GRIK3: variants seen among roughly 807,000 people sequenced by gnomAD.
The protein encoded by GRIK3 is glutamate receptor ionotropic, kainate 3.
In GRIK3, 29 loss-of-function variants were observed where a neutral mutation model predicts 102.5. The observed-to-expected ratio is 0.28, with a 90% confidence interval of 0.21 to 0.39. The LOEUF (loss-of-function observed/expected upper bound fraction) is 0.39, where lower values mean the gene tolerates loss of function less well. GRIK3 is among the 10% of genes least tolerant of loss of function. The pLI, the probability that GRIK3 is intolerant of heterozygous loss-of-function variation, is 1.00. For synonymous variants in GRIK3, 511 were observed against 504.9 expected, an observed-to-expected ratio of 1.01 and a Z score of -0.16; for missense variants, 908 against 1,252.4, an observed-to-expected ratio of 0.73 and a Z score of 4.15.
chr1:37,019,075 A>G (rs144513529), intron 1 of GRIK3, among the ~76,000 whole-genome samples: 543 of 152,354 alleles, frequency 3.6e-3, no homozygotes, highest in African/African-American at 0.011. Context: ...TGGGTTAGTC[A>G]GAAAGAAGAA....
intron 10 of GRIK3, among the ~76,000 whole-genome samples, chr1:36,834,296 G>A (rs1208207694): frequency 6.6e-6 from 1 of 152,134 alleles, no homozygotes; most frequent in Admixed American, 6.5e-5. Context: ...GCTGTCTCAG[G>A]AGTGCCATCC....
At chr1:36,868,798 T>A (rs1454906007) in intron 5 of GRIK3, among the ~76,000 whole-genome samples, 1 of 152,238 alleles carries the variant, frequency 6.6e-6, no homozygotes, top group East Asian at 1.9e-4. Context: ...TATCTGGTTT[T>A]CTGTAAGACT....
At chr1:36,875,375 C>T (rs998976395) in intron 3 of GRIK3, among the ~76,000 whole-genome samples, 1 of 152,236 alleles carries the variant, frequency 6.6e-6, no homozygotes, top group Non-Finnish European at 1.5e-5. Flanking sequence ...AATAGCCATT[C>T]TCCTTGGGGG....
rs115974958 is a variant in GRIK3, at chr1:36,856,603, C to T, written c.1104+2505G>A. ...GCATCTGAGGTTCGGTTGTGGCCAG[C>T]TGTGGGACCACAGGTACCACGGGGC... On this transcript the variant is annotated intron_variant, in intron 7 of 15. Transcript: ENST00000373091. Among the ~76,000 whole-genome samples, 1,161 of 152,358 alleles carry T rather than the reference C, an allele frequency of 7.6e-3. 17 individuals are homozygous for T. The highest frequency in any genetic ancestry group is 0.026 in the African/African-American group (1,073 of 41,582).
intron 5 of GRIK3, among the ~76,000 whole-genome samples, chr1:36,861,840 G>T (rs1570766492): frequency 2.0e-5 from 3 of 152,098 alleles, no homozygotes; most frequent in Non-Finnish European, 4.4e-5. Context: ...TCTGGGATGG[G>T]GAAGGGGCTG....
chr1:36,900,589 A>G (rs1397341129), intron 1 of GRIK3, among the ~76,000 whole-genome samples: 1 of 152,246 alleles, frequency 6.6e-6, no homozygotes, highest in Admixed American at 6.5e-5. Flanking sequence ...GAATGCATAA[A>G]ATAGAAAAGA....
intron 13 of GRIK3, among the ~76,000 whole-genome samples, chr1:36,814,677 TA>T (rs1227649276): frequency 6.6e-6 from 1 of 151,740 alleles, no homozygotes. Flanking sequence ...CATAGGCCAT[TA>T]CACAGGCATA....
chr1:36,818,536 G>T (rs1642655881), intron 12 of GRIK3, among the ~76,000 whole-genome samples: 1 of 152,216 alleles, frequency 6.6e-6, no homozygotes, highest in Non-Finnish European at 1.5e-5. Flanking sequence ...CTTGATTGCT[G>T]AGTTCTGCCA....
intron 1 of GRIK3, among the ~76,000 whole-genome samples, chr1:36,974,076 T>A (rs188342066): frequency 6.6e-6 from 1 of 152,318 alleles, no homozygotes; most frequent in Admixed American, 6.5e-5. Flanking sequence ...AGCAAACCCA[T>A]GAAATACTGG....
chr1:36,913,909 A>G (rs1641372930), intron 1 of GRIK3, among the ~76,000 whole-genome samples: 1 of 152,114 alleles, frequency 6.6e-6, no homozygotes, highest in Non-Finnish European at 1.5e-5. Context: ...AAACCAACAC[A>G]AATGCTGCCA....
At chr1:36,913,813 G>A (rs996970438) in intron 1 of GRIK3, among the ~76,000 whole-genome samples, 2 of 151,996 alleles carry the variant, frequency 1.3e-5, no homozygotes, top group Admixed American at 6.6e-5. Context: ...GTCCACCATC[G>A]GCCAGAATCC....
chr1:36,851,112 G>A (rs981178052), intron 8 of GRIK3, among the ~76,000 whole-genome samples: 1 of 152,198 alleles, frequency 6.6e-6, no homozygotes, highest in Admixed American at 6.5e-5. Flanking sequence ...TCTCACTCAA[G>A]GAAGGCTTCT....
At chr1:36,878,683 G>C (rs971751385) in intron 3 of GRIK3, among the ~76,000 whole-genome samples, 1 of 152,222 alleles carries the variant, frequency 6.6e-6, no homozygotes, top group South Asian at 2.1e-4. Flanking sequence ...ACAGCTCCAT[G>C]CTGGCTAGCA....
At chr1:36,900,187 C>T (rs1641220004) in intron 1 of GRIK3, among the ~76,000 whole-genome samples, 1 of 152,164 alleles carries the variant, frequency 6.6e-6, no homozygotes. Context: ...GACTAGAAAT[C>T]ATATAATGTC....
At chr1:36,951,733 G>A (rs1481339909) in intron 1 of GRIK3, among the ~76,000 whole-genome samples, 1 of 152,104 alleles carries the variant, frequency 6.6e-6, no homozygotes, top group Non-Finnish European at 1.5e-5. Context: ...AGGAAGAGGA[G>A]GAATAAAAGG....
chr1:36,981,883 A>C (rs996624037), intron 1 of GRIK3, among the ~76,000 whole-genome samples: 6 of 152,228 alleles, frequency 3.9e-5, no homozygotes, highest in African/African-American at 1.4e-4. Context: ...GGCAGAAGGC[A>C]ATGCCGAGGA....
At chr1:36,802,554 C>T (rs906849634) in intron 15 of GRIK3, among the ~76,000 whole-genome samples, 1 of 152,094 alleles carries the variant, frequency 6.6e-6, no homozygotes, top group Admixed American at 6.5e-5. Context: ...CAGGGAAGTC[C>T]AGCACATGTT....
chr1:36,804,245 T>C (rs1280365287), intron 15 of GRIK3, among the ~76,000 whole-genome samples: 1 of 152,244 alleles, frequency 6.6e-6, no homozygotes, highest in African/African-American at 2.4e-5. Context: ...TGAACTTCTC[T>C]GTGAGTTGTG....
chr1:36,881,938 A>G (rs1640984273), intron 2 of GRIK3, among the ~76,000 whole-genome samples: 1 of 151,808 alleles, frequency 6.6e-6, no homozygotes. Context: ...ATTCCTGCCT[A>G]TTTGCACGTG....
Sources: allele counts gnomAD v4.1 joint callset (sites outside exome capture counted in the v4.1 genomes callset), GRCh38; gene constraint gnomAD v4.1.1; transcripts MANE v1.5; gene names NCBI Gene and HGNC (gene_info 2026-07-23, HGNC 2026-07-21).